FAM53A: variants seen among roughly 807,000 people sequenced by gnomAD.
FAM53A encodes the protein family with sequence similarity 53 member A, also known as protein FAM53A.
A neutral mutation model predicts 26.6 loss-of-function variants in FAM53A; 28 were observed. The observed-to-expected ratio is 1.05, with a 90% confidence interval of 0.78 to 1.45. The LOEUF (loss-of-function observed/expected upper bound fraction) is 1.45. FAM53A is among the 40% of genes most tolerant of loss of function. The probability of loss-of-function intolerance (pLI) is 0.00; values close to 1 mark genes in which losing one functional copy is unlikely to be tolerated. For missense variants in FAM53A, 650 were observed against 575.8 expected (o/e 1.13, Z -1.32); for synonymous variants, 290 against 253.1 (o/e 1.15, Z -1.38).
At chr4:1,616,099 C>CAGGA (rs1030650470), downstream of FAM53A, among the ~76,000 whole-genome samples, 6 of 152,136 alleles carry the variant, frequency 3.9e-5, no homozygotes, top group African/African-American at 1.4e-4. Flanking sequence ...GGTTCTGGTG[C>CAGGA]AGGAAATCAA....
At chr4:1,661,060 C>A (rs1713799014) in intron 2 of FAM53A, among the ~76,000 whole-genome samples, 1 of 152,042 alleles carries the variant, frequency 6.6e-6, no homozygotes, top group African/African-American at 2.4e-5. Context: ...ACAGCCCCAT[C>A]ACACCGCCTC....
chr4:1,603,565 T>G, the FAM53A span, among the ~76,000 whole-genome samples: 1 of 152,046 alleles, frequency 6.6e-6, no homozygotes, highest in Admixed American at 6.5e-5. Flanking sequence ...CCAGGAGGCT[T>G]CCTCCCTCTA....
At chr4:1,667,284 G>A (rs1199052787) in intron 2 of FAM53A, among the ~76,000 whole-genome samples, 1 of 152,064 alleles carries the variant, frequency 6.6e-6, no homozygotes, top group Admixed American at 6.6e-5. Context: ...GGATGACAAA[G>A]CAAGACTCTG....
chr4:1,606,513 G>A, the FAM53A span, among the ~76,000 whole-genome samples: 1 of 152,180 alleles, frequency 6.6e-6, no homozygotes, highest in African/African-American at 2.4e-5. Context: ...GACCGAGGCA[G>A]ACCCCAGACC....
chr4:1,677,787 A>G (rs1715143051), intron 1 of FAM53A, among the ~76,000 whole-genome samples: 1 of 152,118 alleles, frequency 6.6e-6, no homozygotes, highest in Non-Finnish European at 1.5e-5. Context: ...TCTACTAAAA[A>G]TACAAAAATT....
downstream of FAM53A, among the ~76,000 whole-genome samples, chr4:1,639,414 C>G (rs747280420): frequency 2.0e-5 from 3 of 152,220 alleles, no homozygotes; most frequent in Non-Finnish European, 2.9e-5. Flanking sequence ...AAGTCCAATG[C>G]CAGGGCCCTC....
At chr4:1,669,690 G>A (rs1373854200) in intron 1 of FAM53A, among the ~76,000 whole-genome samples, 1 of 152,210 alleles carries the variant, frequency 6.6e-6, no homozygotes, top group Non-Finnish European at 1.5e-5. Flanking sequence ...AAACAGACAA[G>A]GTGCAAACAA....
intron 1 of FAM53A, among the ~76,000 whole-genome samples, chr4:1,669,840 A>T (rs1714502152): frequency 6.6e-6 from 1 of 152,212 alleles, no homozygotes; most frequent in Admixed American, 6.5e-5. Flanking sequence ...GAAAAAGAAG[A>T]GTGCCTGGGA....
chr4:1,650,347 G>A (rs1316822186), intron 4 of FAM53A, among the ~76,000 whole-genome samples: 1 of 139,038 alleles, frequency 7.2e-6, no homozygotes, highest in Non-Finnish European at 1.5e-5. Context: ...GGTGGCACAG[G>A]CGTGGTGTTT....
intron 2 of FAM53A, among the ~76,000 whole-genome samples, chr4:1,666,580 C>G (rs780250018): frequency 6.6e-6 from 1 of 152,274 alleles, no homozygotes; most frequent in East Asian, 1.9e-4. Flanking sequence ...AAGCTGCGCA[C>G]GCCCTGGCTG....
the FAM53A span, among the ~76,000 whole-genome samples, chr4:1,579,427 A>AC: frequency 4.8e-4 from 71 of 147,214 alleles, no homozygotes; most frequent in Middle Eastern, 3.6e-3. Flanking sequence ...CGCCTGCGCC[A>AC]CCCCCCCGCC....
At chr4:1,662,480 A>C (rs1477655114) in intron 2 of FAM53A, among the ~76,000 whole-genome samples, 2 of 14,772 alleles carry the variant, frequency 1.4e-4, no homozygotes, top group African/African-American at 4.5e-4. Flanking sequence ...ATTCCATCAC[A>C]AAAAAAAAAA....
downstream of FAM53A, among the ~76,000 whole-genome samples, chr4:1,617,053 C>T (rs898824953): frequency 7.1e-6 from 1 of 139,896 alleles, no homozygotes; most frequent in African/African-American, 3.1e-5. Context: ...AGGAGAATCA[C>T]TTGAACCCAG....
At chr4:1,598,307 G>A in the FAM53A span, among the ~76,000 whole-genome samples, 8 of 152,230 alleles carry the variant, frequency 5.3e-5, no homozygotes, top group Non-Finnish European at 7.3e-5. Flanking sequence ...TGGAGTGTGC[G>A]GGAAAAACGT....
downstream of FAM53A, among the ~76,000 whole-genome samples, chr4:1,636,159 C>A (rs1437067641): frequency 6.6e-6 from 1 of 152,136 alleles, no homozygotes. Flanking sequence ...GATACTAATT[C>A]TTTGAAATGT....
chr4:1,629,791 G>A (rs1013930703), intron 1 of FAM53A, among the ~76,000 whole-genome samples: 24 of 152,184 alleles, frequency 1.6e-4, no homozygotes, highest in African/African-American at 5.8e-4. Context: ...AGTTAGTCCC[G>A]GAAGCAGCTC....
chr4:1,675,003 G>A (rs1380017502), intron 1 of FAM53A, among the ~76,000 whole-genome samples: 2 of 151,854 alleles, frequency 1.3e-5, no homozygotes, highest in African/African-American at 2.4e-5. Context: ...GTGACGGATG[G>A]TGGCAGTGAG....
intron 2 of FAM53A, among the ~76,000 whole-genome samples, chr4:1,658,093 C>G (rs1713544758): frequency 6.6e-6 from 1 of 151,826 alleles, no homozygotes; most frequent in Non-Finnish European, 1.5e-5. Context: ...TTACTACAAG[C>G]TCTGCCTCCC....
At chr4:1,662,948 ACT>A (rs1462431909) in intron 2 of FAM53A, among the ~76,000 whole-genome samples, 1 of 151,960 alleles carries the variant, frequency 6.6e-6, no homozygotes, top group African/African-American at 2.4e-5. Context: ...TAATCCCACC[ACT>A]CTGGGGGGCC....
Sources: allele counts gnomAD v4.1 joint callset (sites outside exome capture counted in the v4.1 genomes callset), GRCh38; gene constraint gnomAD v4.1.1; transcripts MANE v1.5; gene names NCBI Gene and HGNC (gene_info 2026-07-23, HGNC 2026-07-21).